GVQW3: variants seen among roughly 807,000 people sequenced by gnomAD.
GVQW3 encodes GVQW motif containing 3.
Under a neutral mutation model 12.5 loss-of-function variants are expected in GVQW3, and 7 were observed. That is an observed-to-expected ratio of 0.56 (90% confidence interval 0.32 to 1.05). GVQW3 has a LOEUF of 1.05. Ranked by LOEUF, GVQW3 falls within the 50% of genes least tolerant of loss-of-function variation. The pLI, the probability that GVQW3 is intolerant of heterozygous loss-of-function variation, is 0.04. For synonymous variants in GVQW3, 71 were observed against 67.2 expected (o/e 1.06, Z -0.28); for missense variants, 188 against 190.8 (o/e 0.99, Z 0.09).
At position 76,402,335 on chromosome 11, in the gene GVQW3, G is replaced by A. The variant is rs552064185; in HGVS notation, c.466-1325G>A. 7.9e-5 allele frequency among the ~76,000 whole-genome samples: 12 copies of A among 152,142 alleles called. No individual in the cohort carries two copies. In the South Asian group the frequency reaches 8.3e-4, roughly 11 times the overall value. ...TGGGAGGCTGAGGTGGGTGGATCAC[G>A]TGTGGTTAGGAGTTTGAGACCAGCC... is the stretch of plus-strand genomic sequence containing the variant. On this transcript the variant is annotated intron_variant, in intron 1 of 1. Coordinates refer to ENST00000529331, the MANE Select transcript of GVQW3 (RefSeq NM_001347885.2).
downstream of GVQW3, among the ~76,000 whole-genome samples, chr11:76,410,434 GTTTT>G (rs66664306): frequency 6.7e-6 from 1 of 148,240 alleles, no homozygotes; most frequent in Non-Finnish European, 1.5e-5. Context: ...GGTCTGTTTT[GTTTT>G]TTTTTTTACT....
chr11:76,397,777 T>C (rs1221662534), intron 1 of GVQW3, among the ~76,000 whole-genome samples: 1 of 152,196 alleles, frequency 6.6e-6, no homozygotes, highest in Non-Finnish European at 1.5e-5. Flanking sequence ...AAGGCATGCA[T>C]TGTGAGGATT....
chr11:76,408,706 C>T (rs560074153), downstream of GVQW3: 3 of 152,340 alleles, frequency 2.0e-5, no homozygotes, highest in African/African-American at 7.2e-5. Context: ...TTGGGGCCAT[C>T]TCCATCTGGG....
chr11:76,381,613 T>G lies in GVQW3; in HGVS notation c.-216T>G, dbSNP rs1427290662. On this transcript the variant is annotated 5_prime_UTR_variant, in exon 1 of 2. Transcript: ENST00000529331. ...GTAGGCGATTTAATTTTTCCCAGCT[T>G]TGCAGCGACTGTTGGCTTCCCAGAA... 2.0e-6 allele frequency: 1 copy of G among 495,264 alleles called. No individual in the cohort carries two copies. Among genetic ancestry groups the G allele is most frequent in the Non-Finnish European group, 3.5e-6 (1 of 282,352 alleles). The allele number at this position is 495,264 out of a possible 1,614,324, so 30.7% of individuals were successfully genotyped here. A position where few individuals can be genotyped will look rare whatever the true frequency, so the allele number is the denominator to read the frequency against.
intron 1 of GVQW3, among the ~76,000 whole-genome samples, chr11:76,390,659 T>C (rs1946882872): frequency 6.6e-6 from 1 of 151,818 alleles, no homozygotes; most frequent in Non-Finnish European, 1.5e-5. Context: ...CCGTCTCTAC[T>C]AAAAAAATAC....
chr11:76,388,983 G>GATCCTCCA (rs1439393466), intron 1 of GVQW3, among the ~76,000 whole-genome samples: 1 of 152,170 alleles, frequency 6.6e-6, no homozygotes, highest in African/African-American at 2.4e-5. Flanking sequence ...TAGATCCTCT[G>GATCCTCCA]ATCCTCCAAT....
chr11:76,395,141 C>T (rs780112399), intron 1 of GVQW3: 1 of 152,190 alleles, frequency 6.6e-6, no homozygotes, highest in Admixed American at 6.5e-5. Flanking sequence ...TGGTAAAATT[C>T]ATATGACAGA....
intron 1 of GVQW3, 88 bp from the exon 2 acceptor site, chr11:76,403,572 C>G (rs911676614): frequency 1.9e-5 from 8 of 419,986 alleles, no homozygotes; most frequent in African/African-American, 1.6e-4. Flanking sequence ...TGGGCTCAAG[C>G]AGTCCTCCCA....
At chr11:76,399,432 A>G (rs1050152056) in intron 1 of GVQW3, among the ~76,000 whole-genome samples, 10 of 152,210 alleles carry the variant, frequency 6.6e-5, no homozygotes, top group African/African-American at 2.4e-4. Flanking sequence ...GTGAGCCACC[A>G]TGCCTGAACT....
At chr11:76,398,638 T>G (rs771606402) in intron 1 of GVQW3, among the ~76,000 whole-genome samples, 1 of 152,102 alleles carries the variant, frequency 6.6e-6, no homozygotes, top group Non-Finnish European at 1.5e-5. Context: ...AAACAATTGT[T>G]TTTTTATGGA....
Position 76,382,297 on chromosome 11 carries a change from A to G in GVQW3, c.465+4A>G, listed in dbSNP as rs1294368510. ...TAGCTCATGTTTGAGGAAAAAGGTA[A>G]CAGGTTCTGAAACATGGAGTTATCT... On this transcript the variant is annotated splice_donor_region_variant and intron_variant, in intron 1 of 1. Transcript: ENST00000529331. The G allele has an allele frequency of 2.7e-6, 4 of 1,493,056 alleles. No individual in the cohort carries two copies. The highest frequency in any genetic ancestry group is 2.5e-5 in the East Asian group (1 of 40,740). 92.5% of individuals were successfully genotyped at this position (1,493,056 alleles called of 1,614,324 possible).
intron 1 of GVQW3, among the ~76,000 whole-genome samples, chr11:76,400,006 TACACACAC>T (rs60192043): frequency 0.041 from 5,804 of 140,438 alleles, 157 homozygotes; most frequent in East Asian, 0.14. Context: ...TCTCTCTGTA[TACACACAC>T]ACACACACAC....
intron 1 of GVQW3, among the ~76,000 whole-genome samples, chr11:76,385,800 C>T (rs1946827851): frequency 6.6e-6 from 1 of 152,170 alleles, no homozygotes; most frequent in African/African-American, 2.4e-5. Context: ...TTCTAAGGGA[C>T]ATGGGCACCT....
chr11:76,401,770 T>C, intron 1 of GVQW3, among the ~76,000 whole-genome samples: 1 of 101,652 alleles, frequency 9.8e-6, no homozygotes, highest in Non-Finnish European at 1.8e-5. Flanking sequence ...CGAAACTCTG[T>C]CTCAAAAAAA....
chr11:76,399,693 A>G (rs1946970476), intron 1 of GVQW3, among the ~76,000 whole-genome samples: 1 of 152,142 alleles, frequency 6.6e-6, no homozygotes, highest in Non-Finnish European at 1.5e-5. Context: ...GGATGGAACA[A>G]AAAGGCTGAC....
exon 2 of GVQW3, chr11:76,414,114 A>G (rs557838113): frequency 2.4e-4 from 36 of 152,274 alleles, no homozygotes; most frequent in African/African-American, 8.2e-4. Flanking sequence ...TTCTCTTAAC[A>G]TGGCTCCTGA....
chr11:76,390,751 C>T (rs1178446916), intron 1 of GVQW3, among the ~76,000 whole-genome samples: 2 of 151,902 alleles, frequency 1.3e-5, no homozygotes, highest in Non-Finnish European at 2.9e-5. Flanking sequence ...GGCGTGAACC[C>T]GGGAGGCGGA....
chr11:76,403,050 C>T (rs567722655), intron 1 of GVQW3, among the ~76,000 whole-genome samples: 1 of 152,150 alleles, frequency 6.6e-6, no homozygotes, highest in African/African-American at 2.4e-5. Context: ...CGGGTTCAAG[C>T]GATTCTCCTG....
intron 1 of GVQW3, among the ~76,000 whole-genome samples, chr11:76,388,191 C>G (rs1192849777): frequency 6.6e-6 from 1 of 152,098 alleles, no homozygotes; most frequent in Non-Finnish European, 1.5e-5. Context: ...ATGATTTGAC[C>G]ATGGGTAGCA....
Sources: gnomAD v4.1 joint callset for allele counts (sites outside exome capture counted in the v4.1 genomes callset) on GRCh38, gnomAD v4.1.1 for gene constraint, MANE v1.5 for transcripts, NCBI Gene and HGNC (gene_info 2026-07-23, HGNC 2026-07-21) for gene names.